The following ZNF536 variants were observed in gnomAD, a reference collection of about 807,000 sequenced individuals.
The protein encoded by ZNF536 is zinc finger protein 536.
In ZNF536, 13 loss-of-function variants were observed where a neutral mutation model predicts 84.5. That is an observed-to-expected ratio of 0.15 (90% CI 0.10 to 0.24). The LOEUF is 0.24. Ranked by LOEUF, ZNF536 falls within the 10% of genes least tolerant of loss-of-function variation. The pLI, the probability that ZNF536 is intolerant of heterozygous loss-of-function variation, is 1.00. For synonymous variants in ZNF536, 811 were observed against 742.5 expected, an observed-to-expected ratio of 1.09 and a Z score of -1.50; for missense variants, 1,536 against 1,747.5, an observed-to-expected ratio of 0.88 and a Z score of 2.16.
At chr19:30,632,120 A>G (rs1012861183) in intron 1 of ZNF536, among the ~76,000 whole-genome samples, 18 of 152,324 alleles carry the variant, frequency 1.2e-4, no homozygotes, top group African/African-American at 4.1e-4. Flanking sequence ...ATTTGAAACT[A>G]TTAACTGTGA....
At chr19:30,606,169 A>G (rs1403600070) in intron 1 of ZNF536, among the ~76,000 whole-genome samples, 1 of 118,138 alleles carries the variant, frequency 8.5e-6, no homozygotes, top group African/African-American at 3.3e-5. Flanking sequence ...ATAAAATAAA[A>G]TAAATAAAAT....
At chr19:30,495,901 T>G (rs1041581571) in intron 2 of ZNF536, among the ~76,000 whole-genome samples, 1 of 152,130 alleles carries the variant, frequency 6.6e-6, no homozygotes, top group African/African-American at 2.4e-5. Context: ...GTTTCAGTAA[T>G]GGGCAGTGGA....
chr19:30,628,372 G>A (rs529976484), intron 1 of ZNF536, among the ~76,000 whole-genome samples: 2 of 151,794 alleles, frequency 1.3e-5, no homozygotes, highest in African/African-American at 4.8e-5. Context: ...GCTCTGCACC[G>A]AGGAGGACAG....
chr19:30,666,684 T>G (rs2050332566), intron 1 of ZNF536, among the ~76,000 whole-genome samples: 1 of 151,990 alleles, frequency 6.6e-6, no homozygotes, highest in Admixed American at 6.6e-5. Context: ...CTAGTTTCCC[T>G]TGCCTCAGAG....
At chr19:30,688,576 C>A (rs1287384655) in intron 1 of ZNF536, among the ~76,000 whole-genome samples, 1 of 152,206 alleles carries the variant, frequency 6.6e-6, no homozygotes, top group South Asian at 2.1e-4. Context: ...CCGCGATACA[C>A]ATTTATCTGT....
chr19:30,336,379 C>A (rs1027998721), intron 2 of ZNF536, among the ~76,000 whole-genome samples: 1 of 152,194 alleles, frequency 6.6e-6, no homozygotes, highest in African/African-American at 2.4e-5. Flanking sequence ...GAACAGGACA[C>A]CTCCACGTGG....
intron 1 of ZNF536, among the ~76,000 whole-genome samples, chr19:30,655,310 G>A (rs1323068274): frequency 1.3e-5 from 2 of 152,188 alleles, no homozygotes; most frequent in African/African-American, 4.8e-5. Context: ...TTCTCAGAGA[G>A]CTTTGCTCAT....
chr19:30,388,230 G>A (rs975265994), intron 1 of ZNF536, among the ~76,000 whole-genome samples: 8 of 152,210 alleles, frequency 5.3e-5, no homozygotes, highest in East Asian at 1.9e-4. Flanking sequence ...ACCATGGATC[G>A]CCTTGGCCTG....
chr19:30,667,963 C>G (rs1432146926), intron 1 of ZNF536, among the ~76,000 whole-genome samples: 1 of 152,036 alleles, frequency 6.6e-6, no homozygotes, highest in Admixed American at 6.5e-5. Context: ...GGTCACACAG[C>G]TGGTAATTGG....
chr19:30,286,371 T>C (rs929266246), intron 2 of ZNF536, among the ~76,000 whole-genome samples: 21 of 151,968 alleles, frequency 1.4e-4, no homozygotes, highest in African/African-American at 4.8e-4. Context: ...AACAGAAAAA[T>C]AAATGGGAAG....
intron 1 of ZNF536, among the ~76,000 whole-genome samples, chr19:30,679,250 A>G (rs1204841574): frequency 1.3e-5 from 2 of 152,212 alleles, no homozygotes; most frequent in Non-Finnish European, 2.9e-5. Context: ...GTGGATTATC[A>G]ATAGCTGCTT....
intron 1 of ZNF536, among the ~76,000 whole-genome samples, chr19:30,279,466 G>A (rs368786293): frequency 4.6e-5 from 7 of 152,270 alleles, no homozygotes; most frequent in African/African-American, 1.7e-4. Flanking sequence ...GTGTCATTTG[G>A]GGCCATGTTC....
chr19:30,509,200 A>G (rs545582204), intron 2 of ZNF536, among the ~76,000 whole-genome samples: 3 of 149,948 alleles, frequency 2.0e-5, no homozygotes, highest in Non-Finnish European at 3.0e-5. Flanking sequence ...AGAAGGCCAG[A>G]GGGACAAAAC....
chr19:30,472,118 A>G (rs1317634627), intron 2 of ZNF536, among the ~76,000 whole-genome samples: 1 of 152,192 alleles, frequency 6.6e-6, no homozygotes, highest in Admixed American at 6.5e-5. Flanking sequence ...TAGCAGGGAG[A>G]AGAGTGTAGG....
At chr19:30,451,044 G>A (rs1433014697) in intron 2 of ZNF536, among the ~76,000 whole-genome samples, 1 of 152,268 alleles carries the variant, frequency 6.6e-6, no homozygotes, top group Admixed American at 6.5e-5. Context: ...CGTGTGTGCC[G>A]AAGCTGTGCC....
chr19:30,576,890 G>A (rs185212617), intron 1 of ZNF536, among the ~76,000 whole-genome samples: 10 of 152,292 alleles, frequency 6.6e-5, no homozygotes, highest in East Asian at 5.8e-4. Flanking sequence ...TCTGCAAGCC[G>A]GCACATCCCT....
At chr19:30,362,010 G>A (rs932959216) in intron 3 of ZNF536, among the ~76,000 whole-genome samples, 4 of 129,372 alleles carry the variant, frequency 3.1e-5, no homozygotes, top group African/African-American at 5.6e-5. Flanking sequence ...AACCCATGAC[G>A]CCTCACTGCT....
chr19:30,278,742 C>A (rs1474985911), intron 1 of ZNF536, among the ~76,000 whole-genome samples: 1 of 152,128 alleles, frequency 6.6e-6, no homozygotes, highest in Non-Finnish European at 1.5e-5. Context: ...CTTTCCCCTG[C>A]CACTGCTCTC....
chr19:30,493,429 A>G (rs557326665), intron 2 of ZNF536, among the ~76,000 whole-genome samples: 21 of 152,330 alleles, frequency 1.4e-4, no homozygotes, highest in African/African-American at 5.1e-4. Flanking sequence ...TACATATGCA[A>G]CACTAATTTA....
Sources: gnomAD v4.1 joint callset for allele counts (sites outside exome capture counted in the v4.1 genomes callset) on GRCh38, gnomAD v4.1.1 for gene constraint, MANE v1.5 for transcripts, NCBI Gene and HGNC (gene_info 2026-07-23, HGNC 2026-07-21) for gene names.